KLF9: variants seen among roughly 807,000 people sequenced by gnomAD.
KLF9 encodes Krueppel-like factor 9.
In KLF9, 2 loss-of-function variants were observed where a neutral mutation model predicts 17.3. The observed-to-expected ratio is 0.12, with a 90% CI of 0.05 to 0.36. The LOEUF is 0.36. Among genes scored for constraint, KLF9 ranks in the 10% least tolerant of loss-of-function variants. The probability of loss-of-function intolerance (pLI) is 1.00; values close to 1 mark genes in which losing one functional copy is unlikely to be tolerated. For synonymous variants in KLF9, 138 were observed against 139.2 expected, an observed-to-expected ratio of 0.99 and a Z score of 0.06; for missense variants, 226 against 333.2, an observed-to-expected ratio of 0.68 and a Z score of 2.51.
At chr9:70,400,654 C>CAT (rs2037214854) in intron 1 of KLF9, among the ~76,000 whole-genome samples, 1 of 152,188 alleles carries the variant, frequency 6.6e-6, no homozygotes, top group Non-Finnish European at 1.5e-5. Context: ...TTCATAAGGA[C>CAT]TCATGGTGAA....
At chr9:70,394,436 T>G (rs73649111) in intron 1 of KLF9, among the ~76,000 whole-genome samples, 3,672 of 152,116 alleles carry the variant, frequency 0.024, 128 homozygotes, top group African/African-American at 0.084. Context: ...TCCTCAGCAG[T>G]ATAAAAGATC....
chr9:70,413,116 C>T lies in KLF9; in HGVS notation c.248G>A (p.Ser83Asn). The T allele has an allele frequency of 1.2e-6, 2 of 1,614,218 alleles. No individual in the cohort carries two copies. The highest frequency in any genetic ancestry group is 1.1e-5 in the South Asian group (1 of 91,084). Reference protein sequence around the residue: ...YRPIQTPSVCSDSLESPDEDM... With the variant: ...YRPIQTPSVCNDSLESPDEDM... The stretch of plus-strand genomic sequence containing the variant: ...CTCATCTGGACTTTCCAGACTGTCG[C>T]TGCACACGGAGGGGGTCTGGATGGG... Residue 83 changes from serine to asparagine, a missense_variant, in exon 1 of 2, where the codon AGC (serine) becomes AAC (asparagine). By Grantham distance (46) the Ser-to-Asn change is conservative. Transcript: ENST00000377126. The surrounding 1 kb of genome is among the most constrained non-coding windows in gnomAD (Gnocchi z 5.6).
intron 1 of KLF9, among the ~76,000 whole-genome samples, chr9:70,397,430 G>A (rs528588085): frequency 1.3e-5 from 2 of 151,834 alleles, no homozygotes; most frequent in South Asian, 4.2e-4. Context: ...AGCTGAGATT[G>A]CACCACTGCA....
At chr9:70,397,179 T>C (rs2037186279) in intron 1 of KLF9, among the ~76,000 whole-genome samples, 1 of 152,174 alleles carries the variant, frequency 6.6e-6, no homozygotes, top group Non-Finnish European at 1.5e-5. Flanking sequence ...AGTCAGAAAC[T>C]TCCTGGCCCG....
chr9:70,405,656 A>G (rs1023988027), intron 1 of KLF9, among the ~76,000 whole-genome samples: 1 of 152,110 alleles, frequency 6.6e-6, no homozygotes, highest in East Asian at 1.9e-4. Flanking sequence ...CAATTATACC[A>G]CACTAGAAAC....
At chr9:70,403,475 G>A (rs1368590510) in intron 1 of KLF9, among the ~76,000 whole-genome samples, 1 of 152,102 alleles carries the variant, frequency 6.6e-6, no homozygotes, top group African/African-American at 2.4e-5. Context: ...TTTCCTTGGG[G>A]TTTGCTTAAG....
chr9:70,402,782 G>T (rs1417139819), intron 1 of KLF9, among the ~76,000 whole-genome samples: 4 of 151,326 alleles, frequency 2.6e-5, no homozygotes, highest in African/African-American at 4.9e-5. Context: ...AAAATATATA[G>T]AAAAAAAAAT....
intron 1 of KLF9, among the ~76,000 whole-genome samples, chr9:70,398,048 C>T (rs2037194346): frequency 6.6e-6 from 1 of 152,156 alleles, no homozygotes; most frequent in Admixed American, 6.5e-5. Context: ...TCCTGTTTAT[C>T]AGAAATATTG....
chr9:70,409,795 G>A (rs2037296706), intron 1 of KLF9, among the ~76,000 whole-genome samples: 1 of 152,172 alleles, frequency 6.6e-6, no homozygotes, highest in South Asian at 2.1e-4. Flanking sequence ...TTAGAGGTAT[G>A]TCACCTGAAA....
chr9:70,401,090 T>C (rs1481825827), intron 1 of KLF9, among the ~76,000 whole-genome samples: 1 of 151,378 alleles, frequency 6.6e-6, no homozygotes, highest in Non-Finnish European at 1.5e-5. Flanking sequence ...TCCCAACAGT[T>C]TGGGAGACTG....
At chr9:70,408,180 C>T (rs117251371) in intron 1 of KLF9, among the ~76,000 whole-genome samples, 10,435 of 152,166 alleles carry the variant, frequency 0.069, 603 homozygotes, top group South Asian at 0.24. Context: ...TCGAGACTAG[C>T]CCGGCCAACA....
rs1305292651 is a variant in KLF9, at chr9:70,413,467, G to T, written c.-104C>A. The T allele has an allele frequency of 4.9e-5, 58 of 1,192,022 alleles. No homozygotes were observed. The highest frequency in any genetic ancestry group is 6.0e-5 in the Non-Finnish European group (57 of 954,114). 73.8% of individuals were successfully genotyped at this position (1,192,022 alleles called of 1,614,324 possible). ...TCGGACGACGAGCGCGGCGCGGCGC[G>T]GCACGGCGCGGCGGCCAAGGGGGCG... On this transcript the variant is annotated 5_prime_UTR_variant, in exon 1 of 2. Coordinates refer to ENST00000377126, the MANE Select transcript of KLF9 (RefSeq NM_001206.4). This position sits in a 1 kb window ranked among gnomAD's most constrained non-coding sequence, Gnocchi z 5.6.
At chr9:70,406,480 T>G (rs987402172) in intron 1 of KLF9, among the ~76,000 whole-genome samples, 3 of 152,162 alleles carry the variant, frequency 2.0e-5, no homozygotes, top group Admixed American at 2.0e-4. Context: ...ACTTCCAACC[T>G]CCAAGTGCTA....
rs558368882 is a variant in KLF9, at chr9:70,414,314, G to T, written c.-951C>A. The stretch of plus-strand genomic sequence containing the variant: ...CCTAGTCAGTTGCGCTCGTTCCTAT[G>T]GCAAAAGAGAACTTCAGCTTCGGTT... On this transcript the variant is annotated 5_prime_UTR_variant, in exon 1 of 2. Transcript: ENST00000377126. 6.6e-6 allele frequency: 1 copy of T among 152,320 alleles called. No homozygotes were observed. The highest frequency in any genetic ancestry group is 1.9e-4 in the East Asian group (1 of 5,180). The allele number at this position is 152,320 out of a possible 1,614,324, so 9.4% of individuals were successfully genotyped here.
intron 1 of KLF9, among the ~76,000 whole-genome samples, chr9:70,400,329 A>G (rs1021114356): frequency 1.3e-5 from 2 of 152,178 alleles, no homozygotes; most frequent in African/African-American, 4.8e-5. Flanking sequence ...CAAGTGCATG[A>G]CAGACGTCTC....
chr9:70,399,609 C>T (rs2037208541), intron 1 of KLF9, among the ~76,000 whole-genome samples: 2 of 152,214 alleles, frequency 1.3e-5, no homozygotes, highest in South Asian at 4.1e-4. Context: ...ATGAAGCCAA[C>T]TCAGAGGGCA....
chr9:70,413,391 G>C lies in KLF9; in HGVS notation c.-28C>G. On this transcript the variant is annotated 5_prime_UTR_variant, in exon 1 of 2. Coordinates refer to ENST00000377126, the MANE Select transcript of KLF9 (RefSeq NM_001206.4). This position sits in a 1 kb window ranked among gnomAD's most constrained non-coding sequence, Gnocchi z 5.6. ...TGCGGGCGACGGCAGCCCAGGCGGC[G>C]CGGACAAACTTGGCGGTGGCTGCGG... The C allele has an allele frequency of 1.4e-6, 2 of 1,468,230 alleles. No individual in the cohort carries two copies. The highest frequency in any genetic ancestry group is 1.8e-6 in the Non-Finnish European group (2 of 1,111,988). The allele number at this position is 1,468,230 out of a possible 1,614,324, so 91.0% of individuals were successfully genotyped here.
At chr9:70,397,261 G>A (rs889033126) in intron 1 of KLF9, among the ~76,000 whole-genome samples, 1 of 152,076 alleles carries the variant, frequency 6.6e-6, no homozygotes, top group African/African-American at 2.4e-5. Flanking sequence ...GATCGCTTGA[G>A]GTGAGGAGGT....
At chr9:70,390,044 G>A (rs923120678) in intron 1 of KLF9, among the ~76,000 whole-genome samples, 3 of 152,178 alleles carry the variant, frequency 2.0e-5, no homozygotes, top group African/African-American at 7.2e-5. Flanking sequence ...TTTCCCCAGC[G>A]TCTCTTAACC....
Sources: gnomAD v4.1 joint callset for allele counts (sites outside exome capture counted in the v4.1 genomes callset) on GRCh38, gnomAD v4.1.1 for gene constraint, Gnocchi (gnomAD v3.1) non-coding constraint, MANE v1.5 for transcripts, NCBI Gene and HGNC (gene_info 2026-07-23, HGNC 2026-07-21) for gene names.